Variants in AATK observed in about 807,000 individuals in gnomAD.
The protein encoded by AATK is serine/threonine-protein kinase LMTK1.
A neutral mutation model predicts 114.3 loss-of-function variants in AATK; 91 were observed. That is an observed-to-expected ratio of 0.80 (90% CI 0.67 to 0.95). The LOEUF (loss-of-function observed/expected upper bound fraction) is 0.95, where lower values mean the gene tolerates loss of function less well. Among genes scored for constraint, AATK ranks in the 40% least tolerant of loss-of-function variants. The probability of loss-of-function intolerance (pLI) is 0.00; values close to 1 mark genes in which losing one functional copy is unlikely to be tolerated. For synonymous variants in AATK, 1,075 were observed against 916.5 expected, an observed-to-expected ratio of 1.17 and a Z score of -3.12; for missense variants, 2,176 against 1,965.2, an observed-to-expected ratio of 1.11 and a Z score of -2.03.
Position 81,125,007 on chromosome 17 carries a change from C to A in AATK, c.763G>T (p.Ala255Ser). The A allele has an allele frequency of 6.4e-7, 1 of 1,558,982 alleles. No individual in the cohort carries two copies. The stretch of plus-strand genomic sequence containing the variant: ...GCCGTGAGCAGGCAGTTCCGCAGGG[C>A]CAGGTCGCTGCAGGCAGGGGCAGGG... ...HRNNFVHSDLALRNCLLTADL... is the reference protein window; with the variant it reads ...HRNNFVHSDLSLRNCLLTADL... Residue 255 changes from alanine to serine, a missense_variant, in exon 8 of 14, where the codon GCC (alanine) becomes TCC (serine). By Grantham distance (99) the Ala-to-Ser change is moderately conservative. Coordinates refer to ENST00000326724, the MANE Select transcript of AATK (RefSeq NM_001080395.3).
chr17:81,132,682 T>C (rs1352950712), intron 2 of AATK: 2 of 331,504 alleles, frequency 6.0e-6, no homozygotes, highest in Non-Finnish European at 1.2e-5. Flanking sequence ...AGCCGGGTCC[T>C]GCCGATACAG....
At position 81,118,232 on chromosome 17, in the gene AATK, G is replaced by A; in HGVS notation, c.*170C>T. The A allele has an allele frequency of 1.6e-6, 1 of 640,408 alleles. No individual in the cohort carries two copies. Among genetic ancestry groups the A allele is most frequent in the South Asian group, 2.0e-5 (1 of 50,980 alleles). The allele number at this position is 640,408 out of a possible 1,614,324, so 39.7% of individuals were successfully genotyped here. A position where few individuals can be genotyped will look rare whatever the true frequency, so the allele number is the denominator to read the frequency against. On this transcript the variant is annotated 3_prime_UTR_variant, in exon 14 of 14. Coordinates refer to ENST00000326724, the MANE Select transcript of AATK (RefSeq NM_001080395.3). ...CGGAGCATGGCCGATCTACCATCCA[G>A]GGCCTCTCATCCCACGGGCTTCTCC...
chr17:81,155,548 G>A (rs1056806491), intron 1 of AATK, among the ~76,000 whole-genome samples: 2 of 152,062 alleles, frequency 1.3e-5, no homozygotes, highest in African/African-American at 2.4e-5. Flanking sequence ...ACCATGCCTG[G>A]CTAATTTTTG....
At position 81,140,897 on chromosome 17, in the gene AATK, T is replaced by TG. The variant is rs1341779348; in HGVS notation, c.56-6397dup. 1.4e-3 allele frequency among the ~76,000 whole-genome samples: 114 copies of TG among 79,176 alleles called. 5 individuals are homozygous for TG. The highest frequency in any genetic ancestry group is 7.7e-3 in the East Asian group (23 of 2,974). 51.9% of individuals were successfully genotyped at this position (79,176 alleles called of 152,430 possible). A position where few individuals can be genotyped will look rare whatever the true frequency, so the allele number is the denominator to read the frequency against. On this transcript the variant is annotated intron_variant, in intron 1 of 13. Transcript: ENST00000326724. ...GTGGGGCCGTGGGGACCGTGAGCTG[T>TG]GAGCCGTGGGGCCGTGGGGCCGTGG...
rs144261538 is a variant in AATK, at chr17:81,122,985, G to A, written c.1113-162C>T. 3.2e-3 allele frequency among the ~76,000 whole-genome samples: 488 copies of A among 152,258 alleles called. 4 individuals carry two copies. The highest frequency in any genetic ancestry group is 0.011 in the African/African-American group (477 of 41,558). On this transcript the variant is annotated intron_variant, in intron 10 of 13. Transcript: ENST00000326724. ...AATCTGCCAAGGCAAGCCCAGCAGC[G>A]TGGGAGCAGGAGGTGGGCTGGGCAC... is the stretch of plus-strand genomic sequence containing the variant.
chr17:81,151,236 C>T (rs113717511), intron 1 of AATK, among the ~76,000 whole-genome samples: 17 of 151,992 alleles, frequency 1.1e-4, no homozygotes, highest in African/African-American at 2.4e-4. Context: ...ACACGGAAGC[C>T]GGGTGTCAGC....
At chr17:81,125,344 C>T (rs1430338244) in intron 7 of AATK, 4 of 681,112 alleles carry the variant, frequency 5.9e-6, no homozygotes, top group Non-Finnish European at 1.1e-5. Flanking sequence ...CACGCTTCTC[C>T]AGGACCCTCT....
At chr17:81,140,236 G>A (rs903272303) in intron 1 of AATK, among the ~76,000 whole-genome samples, 3 of 152,170 alleles carry the variant, frequency 2.0e-5, no homozygotes, top group African/African-American at 7.2e-5. Context: ...GCACTCTGCC[G>A]TGAGGGAAGG....
chr17:81,119,547 A>AGCGGGAAGTCGTCGTCCC lies in AATK; in HGVS notation c.3899_3916dup (p.Pro1305_Leu1306insArgAspAspAspPhePro). 1 of 1,581,554 alleles carries AGCGGGAAGTCGTCGTCCC rather than the reference A, an allele frequency of 6.3e-7. No individual in the cohort carries two copies. The highest frequency in any genetic ancestry group is 2.4e-5 in the East Asian group (1 of 42,352). On this transcript the variant is annotated inframe_insertion, in exon 13 of 14. Transcript: ENST00000326724. ...GGCGAAGGCTGCCTTGGCCGTCATCAGCGGGAAGTCGTCGTCCCACGCGAA... is the reference window on the plus strand; with the variant it reads ...GGCGAAGGCTGCCTTGGCCGTCATCAGCGGGAAGTCGTCGTCCCGCGGGAAGTCGTCGTCCCACGCGAA...
At chr17:81,125,378 ACT>A (rs2060796367) in intron 7 of AATK, 1 of 582,374 alleles carries the variant, frequency 1.7e-6, no homozygotes, top group East Asian at 4.0e-5. Context: ...CTACACTATC[ACT>A]CTCGGCTCCC....
intron 13 of AATK, 38 bp downstream of exon 13, chr17:81,119,342 C>CCGCGTGCCCTGCCTCT (rs11275051): frequency 6.8e-7 from 1 of 1,481,036 alleles, no homozygotes; most frequent in Non-Finnish European, 8.9e-7. Context: ...GCCCTGCCTC[C>CCGCGTGCCCTGCCTCT]CGCGTGCCCT....
At chr17:81,146,866 C>T (rs1367355329) in intron 1 of AATK, among the ~76,000 whole-genome samples, 1 of 150,586 alleles carries the variant, frequency 6.6e-6, no homozygotes, top group Non-Finnish European at 1.5e-5. Flanking sequence ...CTGCCCAGGC[C>T]GTTTGGTGGA....
chr17:81,151,660 C>T (rs1367933243), intron 1 of AATK, among the ~76,000 whole-genome samples: 3 of 152,236 alleles, frequency 2.0e-5, no homozygotes, highest in African/African-American at 4.8e-5. Flanking sequence ...GGATCATAAT[C>T]CCAAAAGACA....
chr17:81,146,200 A>AG (rs1555599003), intron 1 of AATK, among the ~76,000 whole-genome samples: 8 of 151,024 alleles, frequency 5.3e-5, no homozygotes, highest in South Asian at 4.2e-4. Context: ...AAAAAAAAAA[A>AG]AAAAGAAAAA....
chr17:81,123,374 G>T, intron 9 of AATK, 31 bp from the exon 10 acceptor site: 1 of 1,337,624 alleles, frequency 7.5e-7, no homozygotes. Context: ...GCCAGGGCTG[G>T]GCACAGCCTG....
At chr17:81,164,743 G>GGCTCT (rs2061465928) in intron 1 of AATK, among the ~76,000 whole-genome samples, 1 of 152,186 alleles carries the variant, frequency 6.6e-6, no homozygotes, top group Non-Finnish European at 1.5e-5. Flanking sequence ...CTTGGGCCGG[G>GGCTCT]GAGACATTAC....
chr17:81,128,436 G>A (rs1475982811), intron 4 of AATK, 34 bp downstream of exon 4: 7 of 1,547,610 alleles, frequency 4.5e-6, no homozygotes, highest in Non-Finnish European at 6.1e-6. Flanking sequence ...CTGCCTCCCA[G>A]GCGGGAGTCC....
intron 1 of AATK, among the ~76,000 whole-genome samples, chr17:81,144,278 AT>A (rs1300642277): frequency 6.6e-6 from 1 of 152,238 alleles, no homozygotes; most frequent in Non-Finnish European, 1.5e-5. Flanking sequence ...ATGGATCAGG[AT>A]CAGCAAAGCT....
Position 81,120,322 on chromosome 17 carries a change from C to T in AATK, c.3614G>A (p.Arg1205His), listed in dbSNP as rs184348609. Residue 1205 changes from arginine to histidine, a missense_variant, in exon 11 of 14, where the codon CGC (arginine) becomes CAC (histidine). By Grantham distance (29) the Arg-to-His change is conservative. This residue lies in a region of AATK where 1,701 missense variants were observed against 1,394.7 expected (regional missense o/e 1.22). Coordinates refer to ENST00000326724, the MANE Select transcript of AATK (RefSeq NM_001080395.3). ...PVVVAESQSA[R>H]NLRSLLKMPS... is the part of the protein sequence containing the mutation. Reference sequence around the variant, plus strand: ...CATCTTGAGCAGGCTGCGCAGGTTGCGCGCGCTCTGGCTCTCAGCCACCAC... The same window carrying T: ...CATCTTGAGCAGGCTGCGCAGGTTGTGCGCGCTCTGGCTCTCAGCCACCAC... The T allele has an allele frequency of 4.0e-5, 64 of 1,610,596 alleles. No homozygotes were observed. In the African/African-American group the frequency reaches 6.3e-4, roughly 16 times the overall value.
Sources: gnomAD v4.1 joint callset for allele counts (sites outside exome capture counted in the v4.1 genomes callset) on GRCh38, gnomAD v4.1.1 for gene constraint, gnomAD v4.1.1 regional missense constraint, MANE v1.5 for transcripts, NCBI Gene and HGNC (gene_info 2026-07-23, HGNC 2026-07-21) for gene names.